TBRG1: variants seen among roughly 807,000 people sequenced by gnomAD.
The protein encoded by TBRG1 is transforming growth factor beta regulator 1.
A neutral mutation model predicts 44.0 loss-of-function variants in TBRG1; 31 were observed. That is an observed-to-expected ratio of 0.70 (90% CI 0.53 to 0.95). The LOEUF is 0.95. TBRG1 is among the 40% of genes least tolerant of loss of function. TBRG1 has a pLI of 0.00. For missense variants in TBRG1, 487 were observed against 496.1 expected, an observed-to-expected ratio of 0.98 and a Z score of 0.18; for synonymous variants, 171 against 188.1, an observed-to-expected ratio of 0.91 and a Z score of 0.74.
chr11:124,625,715 G>C lies in TBRG1; in HGVS notation c.266G>C (p.Gly89Ala). 6.4e-7 allele frequency: 1 copy of C among 1,554,832 alleles called. No homozygotes were observed. The highest frequency in any genetic ancestry group is 1.4e-5 in the African/African-American group (1 of 73,358). Residue 89 changes from glycine (G) to alanine (A), a missense_variant, in exon 3 of 9, where the codon GGG becomes GCG. Gly to Ala is a moderately conservative substitution (Grantham distance 60). Transcript: ENST00000441174. The part of the protein sequence containing the change: ...KLLQLQALTE[G>A]EVQAAAPSHS... ...CTCCAGCTTCAGGCTCTAACTGAAG[G>C]GGAAGTACAGGCTGCAGCTCCTTCC...
chr11:124,628,106 TATATATATATACACAC>T (rs1266798098), intron 5 of TBRG1, among the ~76,000 whole-genome samples: 10 of 51,644 alleles, frequency 1.9e-4, no homozygotes, highest in African/African-American at 7.4e-4. Context: ...TATATATATA[TATATATATATACACAC>T]ACACACACAC....
At chr11:124,628,106 T>TACAC (rs1565400510) in intron 5 of TBRG1, among the ~76,000 whole-genome samples, 29 of 51,610 alleles carry the variant, frequency 5.6e-4, no homozygotes, top group African/African-American at 3.1e-3. Context: ...TATATATATA[T>TACAC]ATATATATAT....
chr11:124,626,979 G>T lies in TBRG1; in HGVS notation c.667G>T (p.Ala223Ser). ...PVGYCSTRIY[A>S]SMKCPDQKCL... ...GGGCTATTGCAGTACTCGAATATAT[G>T]CCAGCATGAAGTGCCCAGACCAGAA... Residue 223 changes from alanine (A) to serine (S), a missense_variant, in exon 5 of 9, where the codon GCC (alanine) becomes TCC (serine). Ala to Ser is a moderately conservative substitution (Grantham distance 99). Coordinates refer to ENST00000441174, the MANE Select transcript of TBRG1 (RefSeq NM_032811.3). 6.3e-7 allele frequency: 1 copy of T among 1,588,172 alleles called. No homozygotes were observed. The highest frequency in any genetic ancestry group is 2.3e-5 in the East Asian group (1 of 44,040).
chr11:124,625,577 T>C (rs1268407570), intron 2 of TBRG1, 94 bp from the exon 3 acceptor site: 4 of 1,081,252 alleles, frequency 3.7e-6, no homozygotes, highest in East Asian at 2.6e-5. Context: ...GTAATCTTTG[T>C]ATATAATTCT....
At position 124,635,501 on chromosome 11, in the gene TBRG1, T is replaced by A. The variant is rs1466414590; in HGVS notation, c.*3263T>A. The A allele has an allele frequency of 2.0e-5, 3 of 152,162 alleles. No individual in the cohort carries two copies. Among genetic ancestry groups the A allele is most frequent in the Non-Finnish European group, 4.4e-5 (3 of 68,038 alleles). The allele number at this position is 152,162 out of a possible 1,614,324, so 9.4% of individuals were successfully genotyped here. A position where few individuals can be genotyped will look rare whatever the true frequency, so the allele number is the denominator to read the frequency against. On this transcript the variant is annotated 3_prime_UTR_variant, in exon 9 of 9. Transcript: ENST00000441174. ...CCCTACAGAGTATTATAAATTTCAT[T>A]TTCACACAGTAAAAAGTTCCTAAAT...
rs1942604401 is a variant in TBRG1, at chr11:124,631,270, T to C, written c.948-5T>C. ...TCTCAAGGGTGATTTCCCTTGATTCTGCAGTTACCAGTGGGTGAAATTTGA... is the reference window on the plus strand; with the variant it reads ...TCTCAAGGGTGATTTCCCTTGATTCCGCAGTTACCAGTGGGTGAAATTTGA... On this transcript the variant is annotated splice_polypyrimidine_tract_variant and splice_region_variant and intron_variant, in intron 7 of 8. Transcript: ENST00000441174. 6.4e-7 allele frequency: 1 copy of C among 1,568,894 alleles called. No homozygotes were observed. Among genetic ancestry groups the C allele is most frequent in the Admixed American group, 1.9e-5 (1 of 52,870 alleles).
intron 8 of TBRG1, chr11:124,631,734 C>G: frequency 2.3e-6 from 1 of 438,594 alleles, no homozygotes; most frequent in South Asian, 2.7e-5. Flanking sequence ...AATAACATTT[C>G]AAGTGAAGTC....
At position 124,632,320 on chromosome 11, in the gene TBRG1, A is replaced by C. The variant is rs1591377996; in HGVS notation, c.*82A>C. 1 of 1,247,844 alleles carries C rather than the reference A, an allele frequency of 8.0e-7. No homozygotes were observed. Among genetic ancestry groups the C allele is most frequent in the East Asian group, 2.4e-5 (1 of 41,992 alleles). 77.3% of individuals were successfully genotyped at this position (1,247,844 alleles called of 1,614,324 possible). A position where few individuals can be genotyped will look rare whatever the true frequency, so the allele number is the denominator to read the frequency against. On this transcript the variant is annotated 3_prime_UTR_variant, in exon 9 of 9. Coordinates refer to ENST00000441174, the MANE Select transcript of TBRG1 (RefSeq NM_032811.3). ...AAATTTTGGGTATATGAAAGAAGGC[A>C]GCAATTCAGAAGTAAAGAAGATACT...
chr11:124,623,040 C>T lies in TBRG1; in HGVS notation c.-44C>T, dbSNP rs572525084. 6.1e-4 allele frequency: 916 copies of T among 1,494,290 alleles called. 1 individual carries two copies. Among genetic ancestry groups the T allele is most frequent in the Non-Finnish European group, 7.4e-4 (836 of 1,123,522 alleles). The allele number at this position is 1,494,290 out of a possible 1,614,324, so 92.6% of individuals were successfully genotyped here. On this transcript the variant is annotated 5_prime_UTR_variant, in exon 1 of 9. Transcript: ENST00000441174. ...TCCCGCCCGCTCCCCGACTTAGGAT[C>T]CGATGCCGGCAGCGTCCTGGGGCCC...
intron 5 of TBRG1, among the ~76,000 whole-genome samples, chr11:124,628,112 T>TATATAC (rs1269879994): frequency 1.9e-5 from 1 of 51,334 alleles, no homozygotes; most frequent in Non-Finnish European, 3.8e-5. Context: ...TATATATATA[T>TATATAC]ATATACACAC....
At chr11:124,627,143 T>A in intron 5 of TBRG1, 93 bp downstream of exon 5, 1 of 918,004 alleles carries the variant, frequency 1.1e-6, no homozygotes, top group East Asian at 2.6e-5. Context: ...AAGGTAGATA[T>A]GTATAATCAC....
intron 5 of TBRG1, among the ~76,000 whole-genome samples, chr11:124,628,063 T>TTTTA (rs1420639859): frequency 2.2e-5 from 2 of 89,072 alleles, no homozygotes; most frequent in South Asian, 4.5e-4. Context: ...CAAGTAGCTG[T>TTTTA]TTTATATATA....
chr11:124,631,914 C>T (rs1942622550), intron 8 of TBRG1, 179 bp from the exon 9 acceptor site: 4 of 590,662 alleles, frequency 6.8e-6, no homozygotes, highest in Non-Finnish European at 1.2e-5. Context: ...AGGCAAGTCA[C>T]TTAATGTTTC....
chr11:124,632,231 C>G lies in TBRG1; in HGVS notation c.1229C>G (p.Ser410Ter), dbSNP rs1381380982. The change falls in exon 9 of 9, where the codon TCA (serine) becomes TGA (stop). Residue 410 changes from serine (S) to a stop codon, truncating the protein, a stop_gained. Coordinates refer to ENST00000441174, the MANE Select transcript of TBRG1 (RefSeq NM_032811.3). LOFTEE classifies it high-confidence loss of function. The part of the protein sequence containing the change: ...SPSQGSPIQS[S>*]D Reference sequence around the variant, plus strand: ...TCACAGGGTAGCCCAATTCAGTCTTCAGATTGAACAAGAAGGGATCAGATG... The same window carrying G: ...TCACAGGGTAGCCCAATTCAGTCTTGAGATTGAACAAGAAGGGATCAGATG... 6.2e-7 allele frequency: 1 copy of G among 1,613,488 alleles called. No individual in the cohort carries two copies. Among genetic ancestry groups the G allele is most frequent in the Admixed American group, 1.7e-5 (1 of 59,952 alleles).
In TBRG1 at chr11:124,625,781, C is replaced by A. The variant is rs780027567; in HGVS notation, c.332C>A (p.Ser111Tyr). The A allele has an allele frequency of 6.3e-7, 1 of 1,577,378 alleles. No homozygotes were observed. The highest frequency in any genetic ancestry group is 8.6e-7 in the Non-Finnish European group (1 of 1,160,286). The stretch of plus-strand genomic sequence containing the variant: ...CCCCTGACTTATGGTGTGGCCAGCT[C>A]TGTGGGAACTATACAGGGAGCTGGG... ...SLPLTYGVAS[S>Y]VGTIQGAGPI... The change falls in exon 3 of 9, where the codon TCT becomes TAT. Residue 111 changes from serine to tyrosine, a missense_variant. Physicochemically the swap from Ser to Tyr is moderately radical, Grantham distance 144. Transcript: ENST00000441174.
In TBRG1 at chr11:124,630,638, C is replaced by A. The variant is rs1942588560; in HGVS notation, c.837-107C>A. 8.7e-6 allele frequency: 9 copies of A among 1,039,382 alleles called. No individual in the cohort carries two copies. In the East Asian group the frequency reaches 2.0e-4, roughly 23 times the overall value. 64.4% of individuals were successfully genotyped at this position (1,039,382 alleles called of 1,614,324 possible). On this transcript the variant is annotated intron_variant, in intron 6 of 8. Coordinates refer to ENST00000441174, the MANE Select transcript of TBRG1 (RefSeq NM_032811.3). ...GTGCCAACTAGAGCCTCCACATTAT[C>A]AAAGTCAAGAAAGCTTATCCTGTTT...
At position 124,626,544 on chromosome 11, in the gene TBRG1, G is replaced by A. The variant is rs1191950280; in HGVS notation, c.526G>A (p.Asp176Asn). 1 of 1,551,434 alleles carries A rather than the reference G, an allele frequency of 6.4e-7. No individual in the cohort carries two copies. Among genetic ancestry groups the A allele is most frequent in the Admixed American group, 2.0e-5 (1 of 50,982 alleles). ...ARKLVQPIAL[D>N]PSGRPVFPIG... ...CAAGCTGGTTCAGCCCATTGCCCTGGATCCCTCAGGACGGCCTGTGTTCCC... is the reference window on the plus strand; with the variant it reads ...CAAGCTGGTTCAGCCCATTGCCCTGAATCCCTCAGGACGGCCTGTGTTCCC... The change falls in exon 4 of 9, where the codon GAT becomes AAT. Residue 176 changes from aspartate to asparagine, a missense_variant. Physicochemically the swap from Asp to Asn is conservative, Grantham distance 23. Transcript: ENST00000441174.
chr11:124,632,268 T>C lies in TBRG1; in HGVS notation c.*30T>C. ...GAAGGGATCAGATGCCACATCGTTT[T>C]TGTCGTGATTAATTTAACTTAAACT... On this transcript the variant is annotated 3_prime_UTR_variant, in exon 9 of 9. Transcript: ENST00000441174. 6.2e-7 allele frequency: 1 copy of C among 1,600,352 alleles called. No individual in the cohort carries two copies. Among genetic ancestry groups the C allele is most frequent in the Non-Finnish European group, 8.5e-7 (1 of 1,173,202 alleles).
At chr11:124,626,684 TC>T (rs1942480025) in intron 4 of TBRG1, 75 bp downstream of exon 4, 1 of 1,518,854 alleles carries the variant, frequency 6.6e-7, no homozygotes, top group African/African-American at 1.4e-5. Flanking sequence ...CCCTCCCTGT[TC>T]CCATTAGCAG....
Sources: gnomAD v4.1 joint callset for allele counts (sites outside exome capture counted in the v4.1 genomes callset) on GRCh38, gnomAD v4.1.1 for gene constraint, MANE v1.5 for transcripts, NCBI Gene and HGNC (gene_info 2026-07-23, HGNC 2026-07-21) for gene names.